The following PPP6C variants were observed in gnomAD, a reference collection of about 807,000 sequenced individuals.
PPP6C encodes protein phosphatase 6 catalytic subunit.
In PPP6C, 11 loss-of-function variants were observed where a neutral mutation model predicts 39.8. The ratio of observed to expected loss-of-function variants is 0.28; its 90% CI spans 0.17 to 0.46. The LOEUF (loss-of-function observed/expected upper bound fraction) is 0.46. PPP6C is among the 20% of genes least tolerant of loss of function. PPP6C has a pLI of 1.00. For missense variants in PPP6C, 211 were observed against 373.9 expected, an observed-to-expected ratio of 0.56 and a Z score of 3.59; for synonymous variants, 129 against 130.3, an observed-to-expected ratio of 0.99 and a Z score of 0.07.
At chr9:125,186,755 C>T (rs1829537810) in intron 1 of PPP6C, among the ~76,000 whole-genome samples, 2 of 150,524 alleles carry the variant, frequency 1.3e-5, no homozygotes, top group Admixed American at 6.6e-5. Flanking sequence ...CCCCGCTCCC[C>T]CACCAAAAAA....
At chr9:125,188,820 T>TAA (rs397940811) in intron 1 of PPP6C, 48 of 438,020 alleles carry the variant, frequency 1.1e-4, no homozygotes, top group South Asian at 3.9e-4. Context: ...ATAATAATAA[T>TAA]TAAAAAGTTT....
At chr9:125,160,768 A>C in intron 3 of PPP6C, 73 bp downstream of exon 3, 1 of 1,084,986 alleles carries the variant, frequency 9.2e-7, no homozygotes, top group Non-Finnish European at 1.3e-6. Context: ...AAGAATTATT[A>C]TGCAATTTAC....
At chr9:125,180,432 C>CT (rs1007163143) in intron 1 of PPP6C, among the ~76,000 whole-genome samples, 1 of 151,942 alleles carries the variant, frequency 6.6e-6, no homozygotes, top group African/African-American at 2.4e-5. Context: ...GTAATTTTTT[C>CT]TTTTTTTGAG....
chr9:125,149,683 T>A lies in PPP6C; in HGVS notation c.908A>T (p.Tyr303Phe). The change falls in exon 7 of 7, where the codon TAT (tyrosine) becomes TTT (phenylalanine). Residue 303 changes from tyrosine to phenylalanine, a missense_variant. By Grantham distance (22) the Tyr-to-Phe change is conservative (BLOSUM62 3). Around this residue, in one of 2 missense-constraint regions of PPP6C, gnomAD observed 168 missense variants for 342.6 expected, o/e 0.49. Transcript: ENST00000373547. ...RVIPPRTTTP[Y>F]FL Reference sequence around the variant, plus strand: ...GGATGGGCGAAGGCCTCAAAGGAAATATGGCGTTGTCGTTCTGGGAGGAAT... The same window carrying A: ...GGATGGGCGAAGGCCTCAAAGGAAAAATGGCGTTGTCGTTCTGGGAGGAAT... The A allele has an allele frequency of 6.2e-7, 1 of 1,613,852 alleles. No homozygotes were observed. The highest frequency in any genetic ancestry group is 8.5e-7 in the Non-Finnish European group (1 of 1,179,838).
Position 125,164,218 on chromosome 9 carries a change from C to CTT in PPP6C, c.172-3314_172-3313dup, listed in dbSNP as rs10684647. ...CTACTCTATGTCTCTCCCTCACTCT[C>CTT]TTTTTTTTTTTTTTTTTTTTTTTTT... On this transcript the variant is annotated intron_variant, in intron 2 of 6. Transcript: ENST00000373547. 5.5e-3 allele frequency among the ~76,000 whole-genome samples: 412 copies of CTT among 74,760 alleles called. 76 individuals carry two copies. The highest frequency in any genetic ancestry group is 0.019 in the Middle Eastern group (2 of 108). 49.0% of individuals were successfully genotyped at this position (74,760 alleles called of 152,430 possible). A position where few individuals can be genotyped will look rare whatever the true frequency, so the allele number is the denominator to read the frequency against.
intron 1 of PPP6C, among the ~76,000 whole-genome samples, chr9:125,174,631 C>T (rs1829254684): frequency 1.3e-5 from 2 of 151,948 alleles, no homozygotes; most frequent in South Asian, 4.2e-4. Flanking sequence ...AAAAACAGGC[C>T]AGCCGTGGTG....
chr9:125,153,867 G>T, intron 5 of PPP6C, 39 bp downstream of exon 5: 1 of 1,545,602 alleles, frequency 6.5e-7, no homozygotes, highest in Non-Finnish European at 8.9e-7. Context: ...ATGTGTTATT[G>T]GCAGGAACGT....
chr9:125,152,873 CTAAT>C (rs1835984736), intron 6 of PPP6C, among the ~76,000 whole-genome samples: 1 of 148,960 alleles, frequency 6.7e-6, no homozygotes, highest in Non-Finnish European at 1.5e-5. Context: ...GTAGAGGAAA[CTAAT>C]AAAGTGTCTG....
At chr9:125,173,967 T>C (rs1036804136) in intron 1 of PPP6C, among the ~76,000 whole-genome samples, 2 of 152,260 alleles carry the variant, frequency 1.3e-5, no homozygotes, top group African/African-American at 4.8e-5. Flanking sequence ...TCAAAAATAT[T>C]TGTCCACTGA....
chr9:125,162,711 G>A (rs1828911588), intron 2 of PPP6C, among the ~76,000 whole-genome samples: 1 of 150,778 alleles, frequency 6.6e-6, no homozygotes, highest in South Asian at 2.1e-4. Flanking sequence ...GAGAGGTGGA[G>A]GATGCAGTAA....
rs531310652 is a variant in PPP6C at position 125,149,542 on chromosome 9, T to C, written c.*131A>G. On this transcript the variant is annotated 3_prime_UTR_variant, in exon 7 of 7. Transcript: ENST00000373547. ...CAATAAATTTAGATAATTTAAAATT[T>C]AAAAAAAAAAAGGCAAGAGGCAGCA... is the stretch of plus-strand genomic sequence containing the variant. The C allele has an allele frequency of 4.4e-6, 4 of 902,832 alleles. No homozygotes were observed. The African/African-American group carries it at 5.3e-5, about 12-fold the overall frequency. The allele number at this position is 902,832 out of a possible 1,614,324, so 55.9% of individuals were successfully genotyped here. A position where few individuals can be genotyped will look rare whatever the true frequency, so the allele number is the denominator to read the frequency against.
intron 2 of PPP6C, among the ~76,000 whole-genome samples, chr9:125,161,169 T>G (rs1409172236): frequency 1.3e-5 from 2 of 152,226 alleles, no homozygotes; most frequent in Non-Finnish European, 2.9e-5. Context: ...TCTCCCCATC[T>G]ATCTCTTGAG....
intron 6 of PPP6C, among the ~76,000 whole-genome samples, chr9:125,152,038 C>A (rs1336022629): frequency 6.6e-6 from 1 of 151,992 alleles, no homozygotes; most frequent in Non-Finnish European, 1.5e-5. Context: ...CTGGGCAACC[C>A]CAAACCTAGT....
rs996239779 is a variant in PPP6C, at chr9:125,149,303, G to A, written c.*370C>T. On this transcript the variant is annotated 3_prime_UTR_variant, in exon 7 of 7. Coordinates refer to ENST00000373547, the MANE Select transcript of PPP6C (RefSeq NM_002721.5). Reference sequence around the variant, plus strand: ...ACTTACCAAACTAAAACAAAAGGCTGAATGATACAAAAGGAGGAGTATTTA... The same window carrying A: ...ACTTACCAAACTAAAACAAAAGGCTAAATGATACAAAAGGAGGAGTATTTA... 21 of 167,742 alleles carry A rather than the reference G, an allele frequency of 1.3e-4. No homozygotes were observed. Among genetic ancestry groups the A allele is most frequent in the African/African-American group, 4.3e-4 (18 of 41,938 alleles). 10.4% of individuals were successfully genotyped at this position (167,742 alleles called of 1,614,324 possible).
intron 4 of PPP6C, among the ~76,000 whole-genome samples, chr9:125,155,316 C>A (rs1047821115): frequency 6.6e-6 from 1 of 151,668 alleles, no homozygotes; most frequent in African/African-American, 2.4e-5. Flanking sequence ...ATCACTATTG[C>A]CTTAAGTGAA....
At chr9:125,152,070 A>T (rs1835961154) in intron 6 of PPP6C, among the ~76,000 whole-genome samples, 1 of 151,652 alleles carries the variant, frequency 6.6e-6, no homozygotes, top group South Asian at 2.1e-4. Context: ...AGCACCCTGT[A>T]AGGCAGGAGT....
rs1835847886 is a variant in PPP6C at position 125,147,911 on chromosome 9, CTG to C, written c.*1760_*1761del. Reference sequence around the variant, plus strand: ...TAGTAAAATACATAGCTACATATCCCTGTGAGATAAAAATACCTTTCCACCTG... The same window carrying C: ...TAGTAAAATACATAGCTACATATCCCTGAGATAAAAATACCTTTCCACCTG... On this transcript the variant is annotated 3_prime_UTR_variant, in exon 7 of 7. Transcript: ENST00000373547. 5.4e-6 allele frequency: 1 copy of C among 186,122 alleles called. No homozygotes were observed. Among genetic ancestry groups the C allele is most frequent in the East Asian group, 1.9e-4 (1 of 5,204 alleles). 11.5% of individuals were successfully genotyped at this position (186,122 alleles called of 1,614,324 possible).
At chr9:125,179,107 C>G (rs1225706928) in intron 1 of PPP6C, among the ~76,000 whole-genome samples, 1 of 151,366 alleles carries the variant, frequency 6.6e-6, no homozygotes, top group Non-Finnish European at 1.5e-5. Context: ...CCCAGCTACT[C>G]GAAAGGCAGA....
At position 125,153,739 on chromosome 9, in the gene PPP6C, T is replaced by C; in HGVS notation, c.463A>G (p.Ile155Val). 6.2e-7 allele frequency: 1 copy of C among 1,613,208 alleles called. No homozygotes were observed. The highest frequency in any genetic ancestry group is 8.5e-7 in the Non-Finnish European group (1 of 1,179,812). Residue 155 changes from isoleucine to valine, a missense_variant, in exon 6 of 7, where the codon ATA becomes GTA. By Grantham distance (29) the Ile-to-Val change is conservative (BLOSUM62 3). Coordinates refer to ENST00000373547, the MANE Select transcript of PPP6C (RefSeq NM_002721.5). ...TGGACACACAAAATCTGCTCATCTA[T>C]TAACTAGCAAAAAAGGATAACAAAG... is the stretch of plus-strand genomic sequence containing the variant. ...VFDMLTVAAL[I>V]DEQILCVHGG...
Sources: allele counts gnomAD v4.1 joint callset (sites outside exome capture counted in the v4.1 genomes callset), GRCh38; gene constraint gnomAD v4.1.1; regional missense constraint gnomAD v4.1.1; transcripts MANE v1.5; gene names NCBI Gene and HGNC (gene_info 2026-07-23, HGNC 2026-07-21).